The following TRAPPC9 variants were observed in gnomAD, a reference collection of about 807,000 sequenced individuals.
TRAPPC9 encodes the protein IKK2 binding protein.
TRAPPC9 carries 83 observed loss-of-function variants against 124.0 expected under a neutral mutation model. That is an observed-to-expected ratio of 0.67 (90% confidence interval 0.56 to 0.80). The LOEUF (loss-of-function observed/expected upper bound fraction) is 0.80. Ranked by LOEUF, TRAPPC9 falls within the 30% of genes least tolerant of loss-of-function variation. The probability of loss-of-function intolerance (pLI) is 0.00; values close to 1 mark genes in which losing one functional copy is unlikely to be tolerated. For synonymous variants in TRAPPC9, 638 were observed against 617.5 expected (o/e 1.03, Z -0.49); for missense variants, 1,302 against 1,508.3 (o/e 0.86, Z 2.27).
intron 7 of TRAPPC9, among the ~76,000 whole-genome samples, chr8:140,391,247 G>A (rs776292839): frequency 3.3e-5 from 5 of 152,192 alleles, no homozygotes; most frequent in Non-Finnish European, 5.9e-5. Context: ...AAATGGCTCG[G>A]AATCATTCCT....
intron 22 of TRAPPC9, 97 bp from the exon 23 acceptor site, chr8:139,731,325 T>A: frequency 6.8e-7 from 1 of 1,480,216 alleles, no homozygotes; most frequent in Non-Finnish European, 9.2e-7. Context: ...ATAGGTGTTA[T>A]GGGGGAAGCG....
intron 17 of TRAPPC9, among the ~76,000 whole-genome samples, chr8:140,088,903 C>T (rs941708208): frequency 2.0e-5 from 3 of 152,168 alleles, no homozygotes; most frequent in African/African-American, 7.2e-5. Flanking sequence ...TCCTTCCTGC[C>T]AGTCTTTCTC....
intron 9 of TRAPPC9, among the ~76,000 whole-genome samples, chr8:140,314,440 C>G (rs189154467): frequency 6.6e-6 from 1 of 152,308 alleles, no homozygotes; most frequent in African/African-American, 2.4e-5. Flanking sequence ...AAACATTTAT[C>G]GGTTCTTTGT....
chr8:139,906,580 A>G (rs1209259101), intron 20 of TRAPPC9, among the ~76,000 whole-genome samples: 1 of 152,012 alleles, frequency 6.6e-6, no homozygotes, highest in Admixed American at 6.5e-5. Context: ...AAGGGGGAAG[A>G]GAGGATTGGG....
intron 21 of TRAPPC9, among the ~76,000 whole-genome samples, chr8:139,733,032 C>T (rs1460809665): frequency 6.6e-6 from 1 of 151,696 alleles, no homozygotes; most frequent in African/African-American, 2.4e-5. Flanking sequence ...GGGAAGCGAG[C>T]TGATGATCAG....
At chr8:140,419,448 A>AAAAAAAAC (rs1554683879) in intron 5 of TRAPPC9, among the ~76,000 whole-genome samples, 1 of 94,816 alleles carries the variant, frequency 1.1e-5, no homozygotes, top group Non-Finnish European at 2.0e-5. Flanking sequence ...AAAAAAAAAA[A>AAAAAAAAC]AAAACAAAAC....
intron 21 of TRAPPC9, among the ~76,000 whole-genome samples, chr8:139,791,294 A>T (rs1425607340): frequency 7.0e-6 from 1 of 143,550 alleles, no homozygotes; most frequent in East Asian, 2.2e-4. Context: ...CCCTGCACAG[A>T]CTCTCACACA....
chr8:140,061,506 G>C (rs1842614285), intron 17 of TRAPPC9, among the ~76,000 whole-genome samples: 1 of 152,184 alleles, frequency 6.6e-6, no homozygotes, highest in South Asian at 2.1e-4. Context: ...AGTGAGTACA[G>C]AGCCATGTCC....
chr8:139,881,426 G>T (rs966491245), intron 21 of TRAPPC9: 1 of 152,138 alleles, frequency 6.6e-6, no homozygotes, highest in African/African-American at 2.4e-5. Flanking sequence ...ATCACATGTG[G>T]TAAGCGCCCC....
intron 21 of TRAPPC9, among the ~76,000 whole-genome samples, chr8:139,842,914 A>C (rs1362725663): frequency 6.6e-6 from 1 of 152,246 alleles, no homozygotes; most frequent in Non-Finnish European, 1.5e-5. Flanking sequence ...TTCATCGCAC[A>C]GATGAGGAAG....
chr8:140,332,894 G>A (rs948258761), intron 9 of TRAPPC9, among the ~76,000 whole-genome samples: 8 of 152,136 alleles, frequency 5.3e-5, no homozygotes, highest in Non-Finnish European at 1.2e-4. Context: ...CCAGAACTTT[G>A]GGAGGCCAGG....
chr8:139,830,587 T>C (rs6651465), intron 21 of TRAPPC9, among the ~76,000 whole-genome samples: 55,226 of 150,614 alleles, frequency 0.37, 12,719 homozygotes, highest in African/African-American at 0.65. Flanking sequence ...CACATACACA[T>C]GCACACACCA....
At chr8:139,744,312 G>A (rs1818749734) in intron 21 of TRAPPC9, among the ~76,000 whole-genome samples, 1 of 152,234 alleles carries the variant, frequency 6.6e-6, no homozygotes, top group South Asian at 2.1e-4. Context: ...TGGGAGGTAT[G>A]TGTCAAATCA....
chr8:139,827,374 C>T (rs1379186098), intron 21 of TRAPPC9, among the ~76,000 whole-genome samples: 1 of 152,202 alleles, frequency 6.6e-6, no homozygotes, highest in African/African-American at 2.4e-5. Context: ...ATGGCTGATC[C>T]CCGTAATCCC....
intron 17 of TRAPPC9, among the ~76,000 whole-genome samples, chr8:140,042,402 T>C (rs1173526230): frequency 6.6e-6 from 1 of 152,198 alleles, no homozygotes; most frequent in Non-Finnish European, 1.5e-5. Context: ...TCATTCAAAA[T>C]GTGTAAAGGA....
At chr8:139,989,757 T>C (rs1249628289) in intron 18 of TRAPPC9, among the ~76,000 whole-genome samples, 1 of 152,122 alleles carries the variant, frequency 6.6e-6, no homozygotes, top group Non-Finnish European at 1.5e-5. Flanking sequence ...TCTCTAGCCG[T>C]GTGAGCTCCA....
chr8:139,815,923 G>A (rs912860801), intron 21 of TRAPPC9, among the ~76,000 whole-genome samples: 10 of 152,246 alleles, frequency 6.6e-5, no homozygotes, highest in African/African-American at 1.4e-4. Flanking sequence ...GAGACCTGAC[G>A]TAGAAGCCGA....
chr8:140,187,218 A>G (rs574949152), intron 17 of TRAPPC9, among the ~76,000 whole-genome samples: 1 of 152,332 alleles, frequency 6.6e-6, no homozygotes, highest in Admixed American at 6.5e-5. Flanking sequence ...ACTCACATAA[A>G]CAGAGGGCTG....
At chr8:140,218,049 G>A (rs1417524584) in intron 17 of TRAPPC9, among the ~76,000 whole-genome samples, 1 of 150,068 alleles carries the variant, frequency 6.7e-6, no homozygotes, top group East Asian at 1.9e-4. Flanking sequence ...CGAAAGTCTA[G>A]AAGGAGTTCA....
Sources: allele counts gnomAD v4.1 joint callset (sites outside exome capture counted in the v4.1 genomes callset), GRCh38; gene constraint gnomAD v4.1.1; transcripts MANE v1.5; gene names NCBI Gene and HGNC (gene_info 2026-07-23, HGNC 2026-07-21).